Variants in ACOT7 observed in about 807,000 individuals in gnomAD.
The protein encoded by ACOT7 is cytosolic acyl coenzyme A thioester hydrolase.
A neutral mutation model predicts 40.2 loss-of-function variants in ACOT7; 12 were observed. The ratio of observed to expected loss-of-function variants is 0.30; its 90% CI spans 0.19 to 0.48. ACOT7 has a LOEUF of 0.48. Ranked by LOEUF, ACOT7 falls within the 20% of genes least tolerant of loss-of-function variation. The pLI, the probability that ACOT7 is intolerant of heterozygous loss-of-function variation, is 0.99. For synonymous variants in ACOT7, 228 were observed against 219.5 expected (o/e 1.04, Z -0.34); for missense variants, 395 against 530.8 (o/e 0.74, Z 2.51).
intron 8 of ACOT7, among the ~76,000 whole-genome samples, chr1:6,270,484 A>C (rs1347606305): frequency 6.6e-6 from 1 of 152,222 alleles, no homozygotes; most frequent in Non-Finnish European, 1.5e-5. Flanking sequence ...CTCCCCAAGA[A>C]TATGCCAGAG....
intron 6 of ACOT7, among the ~76,000 whole-genome samples, chr1:6,305,243 G>C (rs1189161845): frequency 2.8e-5 from 4 of 144,194 alleles, no homozygotes; most frequent in Admixed American, 2.7e-4. Flanking sequence ...CGGGCCGGGC[G>C]GGGGGCTGAC....
At chr1:6,390,500 A>G (rs1642515604) in intron 1 of ACOT7, among the ~76,000 whole-genome samples, 1 of 152,174 alleles carries the variant, frequency 6.6e-6, no homozygotes, top group Non-Finnish European at 1.5e-5. Flanking sequence ...TGAACAAAGG[A>G]GGCAGAGGTT....
intron 5 of ACOT7, among the ~76,000 whole-genome samples, chr1:6,319,448 C>T (rs995554000): frequency 6.6e-6 from 1 of 152,246 alleles, no homozygotes; most frequent in Non-Finnish European, 1.5e-5. Flanking sequence ...CCGCCTCAGC[C>T]TCCCAAAGTG....
At chr1:6,327,934 C>T (rs895660106) in intron 4 of ACOT7, among the ~76,000 whole-genome samples, 2 of 151,998 alleles carry the variant, frequency 1.3e-5, no homozygotes, top group South Asian at 2.1e-4. Context: ...CCACCATGCC[C>T]GGCTAATTTT....
rs766314202 is a variant in ACOT7 at position 6,288,277 on chromosome 1, C to T, written c.829+6587G>A. 2.0e-5 allele frequency among the ~76,000 whole-genome samples: 3 copies of T among 152,234 alleles called. No individual in the cohort carries two copies. The highest frequency in any genetic ancestry group is 6.5e-5 in the Admixed American group (1 of 15,292). On this transcript the variant is annotated intron_variant, in intron 7 of 8. Transcript: ENST00000361521. This position sits in a 1 kb window ranked among gnomAD's most constrained non-coding sequence, Gnocchi z 4.3. ...CTCCGTTGCTGGCCTGGGAACTCCA[C>T]GCGCCTTTGGTGGGTGGGCACTTCC...
rs1383839836 is a variant in ACOT7 at position 6,393,362 on chromosome 1, A to G, written c.38T>C (p.Leu13Pro). ...CTGCAGAAGGGCGCAGGTGTCTGGCAGGCCCGGCGCGGAATGAATGAGCCC... is the reference window on the plus strand; with the variant it reads ...CTGCAGAAGGGCGCAGGTGTCTGGCGGGCCCGGCGCGGAATGAATGAGCCC... ...RPGLIHSAPG[L>P]PDTCALLQPP... The change falls in exon 1 of 9, where the codon CTG becomes CCG. Residue 13 changes from leucine to proline, a missense_variant. Leu to Pro is a moderately conservative substitution (Grantham distance 98). Around this residue, in one of 2 missense-constraint regions of ACOT7, gnomAD observed 86 missense variants for 60.5 expected, o/e 1.42. Transcript: ENST00000361521. The G allele has an allele frequency of 4.0e-6, 5 of 1,238,956 alleles. No individual in the cohort carries two copies. The East Asian group carries it at 1.6e-4, about 39-fold the overall frequency. 76.7% of individuals were successfully genotyped at this position (1,238,956 alleles called of 1,614,324 possible). A position where few individuals can be genotyped will look rare whatever the true frequency, so the allele number is the denominator to read the frequency against.
chr1:6,329,804 G>T (rs1640905971), intron 4 of ACOT7, among the ~76,000 whole-genome samples: 2 of 151,968 alleles, frequency 1.3e-5, no homozygotes. Flanking sequence ...CACATATTCA[G>T]ACATTTGAAA....
chr1:6,373,918 T>C (rs1642178676), intron 1 of ACOT7, among the ~76,000 whole-genome samples: 1 of 151,818 alleles, frequency 6.6e-6, no homozygotes, highest in African/African-American at 2.4e-5. Flanking sequence ...AGGAAGTCTG[T>C]CTGTACCTAG....
rs1307737413 is a variant in ACOT7, at chr1:6,294,569, G to T, written c.829+295C>A. Among the ~76,000 whole-genome samples, 1 of 152,246 alleles carries T rather than the reference G, an allele frequency of 6.6e-6. No individual in the cohort carries two copies. Among genetic ancestry groups the T allele is most frequent in the African/African-American group, 2.4e-5 (1 of 41,470 alleles). ...GGTGTCCAGGGTCGTGGCAGCTGCA[G>T]GCACAGGACCTTCCCAGAGCTCTGT... On this transcript the variant is annotated intron_variant, in intron 7 of 8. Coordinates refer to ENST00000361521, the MANE Select transcript of ACOT7 (RefSeq NM_007274.4). This position sits in a 1 kb window ranked among gnomAD's most constrained non-coding sequence, Gnocchi z 4.6.
chr1:6,281,186 C>A lies in ACOT7; in HGVS notation c.930G>T (p.Gln310His). Residue 310 changes from glutamine to histidine, a missense_variant, in exon 8 of 9, where the codon CAG becomes CAT. By Grantham distance (24) the Gln-to-His change is conservative. This residue lies in a region of ACOT7 where 309 missense variants were observed against 470.3 expected (regional missense o/e 0.66). Transcript: ENST00000361521. ...AGGCACTGGCGGCCCGGTAGCGCTT[C>A]TGAGAGCTGTCCACAACAGGGTCGG... ...VDADPVVDSS[Q>H]KRYRAASAFF... 1 of 1,614,184 alleles carries A rather than the reference C, an allele frequency of 6.2e-7. No individual in the cohort carries two copies. Among genetic ancestry groups the A allele is most frequent in the Non-Finnish European group, 8.5e-7 (1 of 1,180,052 alleles).
At chr1:6,313,202 A>G (rs191833482) in intron 6 of ACOT7, among the ~76,000 whole-genome samples, 42 of 152,294 alleles carry the variant, frequency 2.8e-4, no homozygotes, top group Admixed American at 2.6e-3. Flanking sequence ...ACACCCAGAA[A>G]CTGCAAACTA....
chr1:6,343,841 G>A (rs769164307), intron 2 of ACOT7, among the ~76,000 whole-genome samples: 1 of 152,272 alleles, frequency 6.6e-6, no homozygotes, highest in Non-Finnish European at 1.5e-5. Context: ...CGGGGCAGAG[G>A]CCTTCCACCT....
Position 6,327,340 on chromosome 1 carries a change from T to C in ACOT7, c.584A>G (p.Lys195Arg). ...EAQKLERMETKWRNGDIVQPV... is the reference protein window; with the variant it reads ...EAQKLERMETRWRNGDIVQPV... ...CTGGACGATGTCCCCGTTCCTCCAC[T>C]TGGTCTCCATGCGCTCCAGCTTCTG... The change falls in exon 5 of 9, where the codon AAG (lysine) becomes AGG (arginine). Residue 195 changes from lysine (K) to arginine (R), a missense_variant. Physicochemically the swap from Lys to Arg is conservative, Grantham distance 26. Around this residue, in one of 2 missense-constraint regions of ACOT7, gnomAD observed 309 missense variants for 470.3 expected, o/e 0.66. Coordinates refer to ENST00000361521, the MANE Select transcript of ACOT7 (RefSeq NM_007274.4). The C allele has an allele frequency of 1.2e-6, 2 of 1,614,172 alleles. No homozygotes were observed. The highest frequency in any genetic ancestry group is 1.7e-6 in the Non-Finnish European group (2 of 1,180,022).
chr1:6,333,977 T>C (rs1641031275), intron 3 of ACOT7, among the ~76,000 whole-genome samples: 1 of 152,084 alleles, frequency 6.6e-6, no homozygotes. Flanking sequence ...GCCTGGATGG[T>C]CCGGAGCTGG....
At chr1:6,366,671 T>C (rs1325300271) in intron 1 of ACOT7, among the ~76,000 whole-genome samples, 2 of 152,096 alleles carry the variant, frequency 1.3e-5, no homozygotes, top group Non-Finnish European at 2.9e-5. Flanking sequence ...TTTTTTTTTT[T>C]TTGAGACAGA....
At chr1:6,339,739 G>GTTTTTT (rs57275707) in intron 2 of ACOT7, 150 bp from the exon 3 acceptor site, 28 of 526,416 alleles carry the variant, frequency 5.3e-5, no homozygotes, top group Non-Finnish European at 6.4e-5. Flanking sequence ...TGGCACCGCG[G>GTTTTTT]TTTTTTTTTT....
chr1:6,370,785 G>A (rs1429051433), intron 1 of ACOT7, among the ~76,000 whole-genome samples: 4 of 148,360 alleles, frequency 2.7e-5, no homozygotes, highest in Admixed American at 6.7e-5. Context: ...GAGTCACCAC[G>A]CACAGCCAAT....
chr1:6,378,293 G>A (rs996218183), intron 1 of ACOT7, among the ~76,000 whole-genome samples: 1 of 151,612 alleles, frequency 6.6e-6, no homozygotes, highest in Non-Finnish European at 1.5e-5. Context: ...TGGTGGCCGG[G>A]GTGCTCCTCG....
At chr1:6,342,250 G>A (rs917984840) in intron 2 of ACOT7, among the ~76,000 whole-genome samples, 4 of 152,040 alleles carry the variant, frequency 2.6e-5, no homozygotes, top group South Asian at 4.1e-4. Context: ...GAGCTCCCTC[G>A]GGACCCTTTC....
Sources: gnomAD v4.1 joint callset for allele counts (sites outside exome capture counted in the v4.1 genomes callset) on GRCh38, gnomAD v4.1.1 for gene constraint, gnomAD v4.1.1 regional missense constraint, Gnocchi (gnomAD v3.1) non-coding constraint, MANE v1.5 for transcripts, NCBI Gene and HGNC (gene_info 2026-07-23, HGNC 2026-07-21) for gene names.